The following AMD1 variants were observed in gnomAD, a reference collection of about 807,000 sequenced individuals.
The protein encoded by AMD1 is S-adenosylmethionine decarboxylase proenzyme.
A neutral mutation model predicts 40.2 loss-of-function variants in AMD1; 11 were observed. The ratio of observed to expected loss-of-function variants is 0.27; its 90% CI spans 0.17 to 0.45. AMD1 has a LOEUF of 0.45. AMD1 is among the 20% of genes least tolerant of loss of function. AMD1 has a pLI of 1.00. For synonymous variants in AMD1, 121 were observed against 130.8 expected (o/e 0.93, Z 0.51); for missense variants, 257 against 410.2 (o/e 0.63, Z 3.23).
the AMD1 span, among the ~76,000 whole-genome samples, chr6:110,861,313 A>G: frequency 6.6e-6 from 1 of 150,778 alleles, no homozygotes. Context: ...AGCCGAGATC[A>G]TGCCACTGCA....
chr6:110,858,476 C>T, the AMD1 span: 16 of 1,287,442 alleles, frequency 1.2e-5, no homozygotes, highest in African/African-American at 2.2e-4. Flanking sequence ...CCGTTCCATG[C>T]AGAACTGGCA....
chr6:110,853,305 G>A, the AMD1 span, among the ~76,000 whole-genome samples: 2 of 137,710 alleles, frequency 1.5e-5, no homozygotes, highest in Admixed American at 1.4e-4. Flanking sequence ...GGGTTTGTGG[G>A]TTTTTTGTTT....
chr6:110,826,712 C>T, the AMD1 span, among the ~76,000 whole-genome samples: 6 of 138,108 alleles, frequency 4.3e-5, no homozygotes, highest in Non-Finnish European at 7.6e-5. Flanking sequence ...TTTTGTGAGA[C>T]GGAGTTTCAC....
At chr6:110,847,140 T>A in the AMD1 span, among the ~76,000 whole-genome samples, 2 of 151,814 alleles carry the variant, frequency 1.3e-5, no homozygotes, top group African/African-American at 4.8e-5. Flanking sequence ...TTCATAATTG[T>A]GGGGGCTGGC....
chr6:110,860,366 G>A, the AMD1 span, among the ~76,000 whole-genome samples: 3 of 152,260 alleles, frequency 2.0e-5, no homozygotes, highest in East Asian at 5.8e-4. Flanking sequence ...TATACTCATA[G>A]TTTATTGTTC....
chr6:110,847,066 GTGTGTGT>G, the AMD1 span, among the ~76,000 whole-genome samples: 11 of 88,398 alleles, frequency 1.2e-4, no homozygotes, highest in African/African-American at 6.2e-4. Context: ...TGTGTGTGGT[GTGTGTGT>G]GTGTGTGTGT....
At chr6:110,851,714 G>C in the AMD1 span, among the ~76,000 whole-genome samples, 1 of 152,092 alleles carries the variant, frequency 6.6e-6, no homozygotes, top group Non-Finnish European at 1.5e-5. Flanking sequence ...TGCCCACGTT[G>C]GCCTCCCAAA....
the AMD1 span, among the ~76,000 whole-genome samples, chr6:110,826,822 G>A: frequency 6.6e-6 from 1 of 151,666 alleles, no homozygotes; most frequent in Non-Finnish European, 1.5e-5. Context: ...CTCCTGTGTA[G>A]CTGGGATTAC....
At chr6:110,862,649 T>A in the AMD1 span, among the ~76,000 whole-genome samples, 23 of 151,602 alleles carry the variant, frequency 1.5e-4, no homozygotes, top group East Asian at 4.3e-3. Context: ...GTATTTTTAG[T>A]AGAGATGGTG....
chr6:110,874,319 C>T (rs1399682247), upstream of AMD1, among the ~76,000 whole-genome samples: 2 of 152,210 alleles, frequency 1.3e-5, no homozygotes, highest in Admixed American at 6.5e-5. Context: ...GGAAAACACA[C>T]TTTTAAGAAT....
chr6:110,892,649 CT>C (rs143823571), intron 6 of AMD1, 85 bp from the exon 7 acceptor site: 66,215 of 1,509,938 alleles, frequency 0.044, 1,743 homozygotes, highest in Middle Eastern at 0.074. Context: ...GGTCCTCTCC[CT>C]TCTCCCACCC....
intron 2 of AMD1, 45 bp from the exon 3 acceptor site, chr6:110,888,812 A>G: frequency 6.3e-7 from 1 of 1,575,284 alleles, no homozygotes; most frequent in East Asian, 2.3e-5. Context: ...CACCCTCAGT[A>G]GTACATTAGT....
rs568116120 is a variant in AMD1 at position 110,888,785 on chromosome 6, A to G, written c.198-72A>G. 3.4e-6 allele frequency: 5 copies of G among 1,456,770 alleles called. No individual in the cohort carries two copies. In the East Asian group the frequency reaches 1.2e-4, roughly 34 times the overall value. 90.2% of individuals were successfully genotyped at this position (1,456,770 alleles called of 1,614,324 possible). A position where few individuals can be genotyped will look rare whatever the true frequency, so the allele number is the denominator to read the frequency against. On this transcript the variant is annotated intron_variant, in intron 2 of 8. Coordinates refer to ENST00000368885, the MANE Select transcript of AMD1 (RefSeq NM_001634.6). ...GTACTAGCCAAAATTGTAAATGATA[A>G]TTAAATTGGTTGATTGCACCCTCAG...
chr6:110,858,124 G>A, the AMD1 span: 4 of 525,414 alleles, frequency 7.6e-6, no homozygotes, highest in Admixed American at 6.3e-5. Flanking sequence ...GATTACAACT[G>A]TGAGCCACCA....
chr6:110,819,734 C>T, the AMD1 span, among the ~76,000 whole-genome samples: 2 of 152,246 alleles, frequency 1.3e-5, no homozygotes, highest in African/African-American at 4.8e-5. Context: ...GCTGCATTCC[C>T]AGGAAGCTAG....
At chr6:110,876,097 G>A (rs1399823402) in intron 1 of AMD1, among the ~76,000 whole-genome samples, 1 of 152,216 alleles carries the variant, frequency 6.6e-6, no homozygotes, top group Non-Finnish European at 1.5e-5. Context: ...AAGGAATCTG[G>A]GGCCCACTCC....
At chr6:110,839,701 G>T in the AMD1 span, among the ~76,000 whole-genome samples, 2 of 151,948 alleles carry the variant, frequency 1.3e-5, no homozygotes, top group Non-Finnish European at 2.9e-5. Flanking sequence ...TTTAGTGGGG[G>T]CATGGGAAGT....
At chr6:110,841,747 G>A in the AMD1 span, among the ~76,000 whole-genome samples, 2 of 149,048 alleles carry the variant, frequency 1.3e-5, no homozygotes, top group Admixed American at 1.3e-4. Flanking sequence ...AAAAAAAAAA[G>A]GAAAATTAAA....
chr6:110,830,093 C>G, the AMD1 span, among the ~76,000 whole-genome samples: 3 of 151,982 alleles, frequency 2.0e-5, no homozygotes, highest in Non-Finnish European at 4.4e-5. Flanking sequence ...CGGCTCACTG[C>G]AACCTCCACC....
Sources: gnomAD v4.1 joint callset for allele counts (sites outside exome capture counted in the v4.1 genomes callset) on GRCh38, gnomAD v4.1.1 for gene constraint, MANE v1.5 for transcripts, NCBI Gene and HGNC (gene_info 2026-07-23, HGNC 2026-07-21) for gene names.